CFAP54: variants seen among roughly 807,000 people sequenced by gnomAD.
CFAP54 encodes the protein cilia and flagella associated protein 54.
CFAP54 carries 290 observed loss-of-function variants against 370.4 expected under a neutral mutation model. The ratio of observed to expected loss-of-function variants is 0.78; its 90% CI spans 0.71 to 0.86. The LOEUF (loss-of-function observed/expected upper bound fraction) is 0.86. Among genes scored for constraint, CFAP54 ranks in the 40% least tolerant of loss-of-function variants. CFAP54 has a pLI of 0.00. For missense variants in CFAP54, 3,399 were observed against 3,528.7 expected, an observed-to-expected ratio of 0.96 and a Z score of 0.93; for synonymous variants, 1,206 against 1,236.5, an observed-to-expected ratio of 0.98 and a Z score of 0.52.
At chr12:96,669,322 G>T (rs1421409) in intron 39 of CFAP54, among the ~76,000 whole-genome samples, 2,347 of 152,294 alleles carry the variant, frequency 0.015, 73 homozygotes, top group African/African-American at 0.053. Flanking sequence ...GATCACATTG[G>T]CATTCTTTTC....
chr12:96,537,773 G>A (rs1467664561), intron 12 of CFAP54, among the ~76,000 whole-genome samples: 1 of 152,134 alleles, frequency 6.6e-6, no homozygotes, highest in East Asian at 1.9e-4. Flanking sequence ...AGAGGCGGAA[G>A]AGCATAGAGC....
chr12:96,848,210 G>A (rs1959414338), intron 66 of CFAP54, among the ~76,000 whole-genome samples: 1 of 151,866 alleles, frequency 6.6e-6, no homozygotes, highest in African/African-American at 2.4e-5. Flanking sequence ...CCGAGTAGTT[G>A]GCATTACAGG....
At chr12:96,777,654 A>G (rs572512542) in intron 60 of CFAP54, among the ~76,000 whole-genome samples, 5 of 151,888 alleles carry the variant, frequency 3.3e-5, no homozygotes, top group Non-Finnish European at 5.9e-5. Flanking sequence ...TGGCCCATCA[A>G]GGATATTCTT....
At chr12:96,760,024 A>T (rs1363597898) in intron 58 of CFAP54, among the ~76,000 whole-genome samples, 1 of 152,192 alleles carries the variant, frequency 6.6e-6, no homozygotes, top group Admixed American at 6.5e-5. Context: ...AATGTACATT[A>T]ACCACTTTCT....
chr12:96,832,996 AC>A (rs1290698407), intron 66 of CFAP54, among the ~76,000 whole-genome samples: 1 of 152,204 alleles, frequency 6.6e-6, no homozygotes, highest in Non-Finnish European at 1.5e-5. Context: ...TCCTTACTGA[AC>A]ACACCTATTA....
At chr12:96,727,501 C>T (rs1202275156) in intron 50 of CFAP54, among the ~76,000 whole-genome samples, 1 of 141,300 alleles carries the variant, frequency 7.1e-6, no homozygotes, top group Non-Finnish European at 1.5e-5. Context: ...ATTGCAACCC[C>T]TGCCTTTTTT....
intron 19 of CFAP54, among the ~76,000 whole-genome samples, chr12:96,576,040 T>G (rs1955972042): frequency 6.6e-6 from 1 of 152,122 alleles, no homozygotes; most frequent in East Asian, 1.9e-4. Context: ...GTTATCTCTC[T>G]GCATATAACC....
rs568145594 is a variant in CFAP54 at position 96,630,554 on chromosome 12, G to A, written c.4219G>A (p.Ala1407Thr). ...KAAVMEIGRSAEMQQRIRSKK... is the reference protein window; with the variant it reads ...KAAVMEIGRSTEMQQRIRSKK... ...ACATTTTATCTCCTCTATTAAGAGT[G>A]CAGAAATGCAACAAAGAATAAGAAG... is the stretch of plus-strand genomic sequence containing the variant. Residue 1407 changes from alanine to threonine, a missense_variant, in exon 32 of 68, where the codon GCA (alanine) becomes ACA (threonine). Ala to Thr is a moderately conservative substitution (Grantham distance 58). This residue lies in a region of CFAP54 where 2,796 missense variants were observed against 2,869.7 expected (regional missense o/e 0.97). Coordinates refer to ENST00000524981, the MANE Select transcript of CFAP54 (RefSeq NM_001306084.2). The A allele has an allele frequency of 1.5e-5, 21 of 1,427,418 alleles. 1 individual carries two copies. In the African/African-American group the frequency reaches 3.0e-4, roughly 21 times the overall value. The allele number at this position is 1,427,418 out of a possible 1,614,324, so 88.4% of individuals were successfully genotyped here.
At chr12:96,754,041 C>A in intron 56 of CFAP54, 143 bp downstream of exon 56, 1 of 665,410 alleles carries the variant, frequency 1.5e-6, no homozygotes, top group Non-Finnish European at 2.3e-6. Context: ...ACAATGGTAC[C>A]TCCACCAAAT....
At chr12:96,637,402 G>A (rs1234147035) in intron 32 of CFAP54, among the ~76,000 whole-genome samples, 1 of 152,056 alleles carries the variant, frequency 6.6e-6, no homozygotes, top group Non-Finnish European at 1.5e-5. Context: ...TTTCTCTTGG[G>A]TACCTACCTT....
intron 1 of CFAP54, among the ~76,000 whole-genome samples, chr12:96,496,072 T>C (rs1954951311): frequency 6.6e-6 from 1 of 152,234 alleles, no homozygotes; most frequent in Non-Finnish European, 1.5e-5. Flanking sequence ...TAAATGTCTG[T>C]GGTTTATATT....
In CFAP54 at chr12:96,679,633, C is replaced by A; in HGVS notation, c.5597C>A (p.Pro1866His). 1 of 1,613,304 alleles carries A rather than the reference C, an allele frequency of 6.2e-7. No homozygotes were observed. The highest frequency in any genetic ancestry group is 8.5e-7 in the Non-Finnish European group (1 of 1,179,648). The change falls in exon 40 of 68, where the codon CCC becomes CAC. Residue 1866 changes from proline (P) to histidine (H), a missense_variant. Around this residue, in one of 3 missense-constraint regions of CFAP54, gnomAD observed 2,796 missense variants for 2,869.7 expected, o/e 0.97. Coordinates refer to ENST00000524981, the MANE Select transcript of CFAP54 (RefSeq NM_001306084.2). ...CGAGCCAAAGCGCTTGTCTGCGTGC[C>A]CGTGGACGTGACAGACACCTTGAGG... Reference protein sequence around the residue: ...YSRAKALVCVPVDVTDTLRCF... With the variant: ...YSRAKALVCVHVDVTDTLRCF...
rs1444809783 is a variant in CFAP54, at chr12:96,648,071, A to G, written c.4690+54A>G. ...AATTACCTCTAGATTTTTATTCACT[A>G]AACAACACAGCACACATACACATTG... On this transcript the variant is annotated intron_variant, in intron 34 of 67. Coordinates refer to ENST00000524981, the MANE Select transcript of CFAP54 (RefSeq NM_001306084.2). 3.7e-6 allele frequency: 5 copies of G among 1,353,488 alleles called. No homozygotes were observed. The African/African-American group carries it at 6.0e-5, about 16-fold the overall frequency. The allele number at this position is 1,353,488 out of a possible 1,614,324, so 83.8% of individuals were successfully genotyped here. A position where few individuals can be genotyped will look rare whatever the true frequency, so the allele number is the denominator to read the frequency against.
chr12:96,556,916 G>A (rs1228949325), intron 17 of CFAP54, among the ~76,000 whole-genome samples: 1 of 152,074 alleles, frequency 6.6e-6, no homozygotes, highest in African/African-American at 2.4e-5. Context: ...GTGAAGGGTG[G>A]GATGAGGGAG....
At chr12:96,584,525 C>T (rs1372017008) in intron 22 of CFAP54, among the ~76,000 whole-genome samples, 1 of 152,010 alleles carries the variant, frequency 6.6e-6, no homozygotes, top group African/African-American at 2.4e-5. Context: ...CATCCTCTAA[C>T]TGAAGATTAC....
chr12:96,603,310 T>G (rs528494176), intron 26 of CFAP54, among the ~76,000 whole-genome samples: 1 of 152,344 alleles, frequency 6.6e-6, no homozygotes, highest in African/African-American at 2.4e-5. Flanking sequence ...TTGTAGGGTT[T>G]CTGCCAAGAG....
intron 9 of CFAP54, among the ~76,000 whole-genome samples, chr12:96,530,358 C>T (rs529415753): frequency 6.6e-6 from 1 of 152,300 alleles, no homozygotes; most frequent in East Asian, 1.9e-4. Flanking sequence ...GGCGTCATGG[C>T]ATGTGCCTGT....
chr12:96,836,916 C>T (rs1221392223), intron 66 of CFAP54, among the ~76,000 whole-genome samples: 2 of 152,172 alleles, frequency 1.3e-5, no homozygotes, highest in Non-Finnish European at 1.5e-5. Context: ...TAACTTTAAA[C>T]TCCTAGGCTC....
Position 96,679,771 on chromosome 12 carries a change from A to G in CFAP54, c.5716+19A>G, listed in dbSNP as rs1334654546. 8.1e-6 allele frequency: 13 copies of G among 1,608,418 alleles called. No individual in the cohort carries two copies. The highest frequency in any genetic ancestry group is 1.1e-5 in the South Asian group (1 of 90,182). On this transcript the variant is annotated intron_variant, in intron 40 of 67. Coordinates refer to ENST00000524981, the MANE Select transcript of CFAP54 (RefSeq NM_001306084.2). ...ACACAAGGTAAAATGCATGTTCTGT[A>G]TCTCTGAATCTTTCTTTATGTGGGG...
Sources: gnomAD v4.1 joint callset for allele counts (sites outside exome capture counted in the v4.1 genomes callset) on GRCh38, gnomAD v4.1.1 for gene constraint, gnomAD v4.1.1 regional missense constraint, MANE v1.5 for transcripts, NCBI Gene and HGNC (gene_info 2026-07-23, HGNC 2026-07-21) for gene names.